Variants in FNTB observed in about 807,000 individuals in gnomAD.
FNTB encodes the protein protein farnesyltransferase subunit beta.
A neutral mutation model predicts 59.4 loss-of-function variants in FNTB; 27 were observed. The observed-to-expected ratio is 0.45, with a 90% CI of 0.34 to 0.63. FNTB has a LOEUF of 0.63. Among genes scored for constraint, FNTB ranks in the 20% least tolerant of loss-of-function variants. The probability of loss-of-function intolerance (pLI) is 0.02; values close to 1 mark genes in which losing one functional copy is unlikely to be tolerated. For synonymous variants in FNTB, 230 were observed against 220.7 expected, an observed-to-expected ratio of 1.04 and a Z score of -0.37; for missense variants, 449 against 559.6, an observed-to-expected ratio of 0.80 and a Z score of 1.99.
chr14:65,044,254 G>C lies in FNTB; in HGVS notation c.823-57G>C. ...CAGATTGACTCCTGGAGATTCTGTC[G>C]GGCTGGATTTTGTCTCTTTTAGCCT... On this transcript the variant is annotated intron_variant, in intron 8 of 11. Coordinates refer to ENST00000246166, the MANE Select transcript of FNTB (RefSeq NM_002028.4). The surrounding 1 kb of genome is among the most constrained non-coding windows in gnomAD (Gnocchi z 5.5). 2 of 1,606,450 alleles carry C rather than the reference G, an allele frequency of 1.2e-6. No homozygotes were observed. The highest frequency in any genetic ancestry group is 2.3e-5 in the East Asian group (1 of 44,196).
rs1738052667 is a variant in FNTB, at chr14:65,032,337, G to A, written c.606-273G>A. 1 of 306,832 alleles carries A rather than the reference G, an allele frequency of 3.3e-6. No homozygotes were observed. Among genetic ancestry groups the A allele is most frequent in the South Asian group, 7.9e-5 (1 of 12,646 alleles). The allele number at this position is 306,832 out of a possible 1,614,324, so 19.0% of individuals were successfully genotyped here. Reference sequence around the variant, plus strand: ...TCCACTTTTGACATGAATTGATATGGCTGTTATTTCCTCTGATGTAGATTG... The same window carrying A: ...TCCACTTTTGACATGAATTGATATGACTGTTATTTCCTCTGATGTAGATTG... On this transcript the variant is annotated intron_variant, in intron 6 of 11. Coordinates refer to ENST00000246166, the MANE Select transcript of FNTB (RefSeq NM_002028.4). The surrounding 1 kb of genome is among the most constrained non-coding windows in gnomAD (Gnocchi z 5.0).
At chr14:65,025,914 A>G (rs1015306493) in intron 4 of FNTB, among the ~76,000 whole-genome samples, 1 of 152,238 alleles carries the variant, frequency 6.6e-6, no homozygotes. Flanking sequence ...AAAAAGAAGT[A>G]TGTGTTGTTT....
At chr14:65,042,026 A>G (rs1414110557) in intron 8 of FNTB, among the ~76,000 whole-genome samples, 1 of 152,192 alleles carries the variant, frequency 6.6e-6, no homozygotes, top group Non-Finnish European at 1.5e-5. Flanking sequence ...AGGTAGGGAT[A>G]ACAATCCTTA....
At position 65,022,563 on chromosome 14, in the gene FNTB, C is replaced by T. The variant is rs776384610; in HGVS notation, c.375-4890C>T. 1.5e-4 allele frequency among the ~76,000 whole-genome samples: 23 copies of T among 152,070 alleles called. No homozygotes were observed. In the Middle Eastern group the frequency reaches 0.01, roughly 67 times the overall value. On this transcript the variant is annotated intron_variant, in intron 4 of 11. Coordinates refer to ENST00000246166, the MANE Select transcript of FNTB (RefSeq NM_002028.4). ...TATTTTAAAAATAGAGATAAGGTCT[C>T]GCTGTATTGCCTAAGCTGGTCTCAA... is the stretch of plus-strand genomic sequence containing the variant.
intron 2 of FNTB, among the ~76,000 whole-genome samples, chr14:65,005,631 G>C (rs939080225): frequency 6.7e-6 from 1 of 149,734 alleles, no homozygotes; most frequent in Non-Finnish European, 1.5e-5. Context: ...GTCCTGTCCT[G>C]TCCGGTCCTG....
At chr14:64,987,170 C>A in intron 1 of FNTB, 73 bp downstream of exon 1, 1 of 1,570,126 alleles carries the variant, frequency 6.4e-7, no homozygotes. Context: ...GTAGGGCCGC[C>A]CGGGTGCGGA....
chr14:65,053,642 A>C (rs977374897), intron 10 of FNTB, among the ~76,000 whole-genome samples: 27 of 152,190 alleles, frequency 1.8e-4, no homozygotes, highest in Admixed American at 1.8e-3. Context: ...AAACAAAAAA[A>C]AACTGATCTA....
rs758063241 is a variant in FNTB at position 65,027,677 on chromosome 14, A to G, written c.522-21A>G. 5.6e-6 allele frequency: 9 copies of G among 1,613,964 alleles called. No individual in the cohort carries two copies. The highest frequency in any genetic ancestry group is 4.5e-5 in the East Asian group (2 of 44,886). On this transcript the variant is annotated intron_variant, in intron 5 of 11. Coordinates refer to ENST00000246166, the MANE Select transcript of FNTB (RefSeq NM_002028.4). The surrounding 1 kb of genome is among the most constrained non-coding windows in gnomAD (Gnocchi z 5.7). ...ACACGCACTGACTGTTGCCTCTCCTACCTCTTTCCCTGTTTCTCAGAGAGA... is the reference window on the plus strand; with the variant it reads ...ACACGCACTGACTGTTGCCTCTCCTGCCTCTTTCCCTGTTTCTCAGAGAGA...
intron 1 of FNTB, among the ~76,000 whole-genome samples, chr14:64,989,531 T>TAA (rs202226077): frequency 1.2e-4 from 17 of 145,094 alleles, no homozygotes; most frequent in African/African-American, 3.5e-4. Flanking sequence ...CTTTTCAAAT[T>TAA]AAAAAAAAAA....
intron 1 of FNTB, among the ~76,000 whole-genome samples, chr14:64,992,811 A>G (rs1479566865): frequency 6.6e-6 from 1 of 151,448 alleles, no homozygotes; most frequent in Admixed American, 6.6e-5. Flanking sequence ...GGTCACTGCA[A>G]CTTAACCACT....
At chr14:64,998,913 C>A (rs527375771) in intron 1 of FNTB, among the ~76,000 whole-genome samples, 1 of 152,068 alleles carries the variant, frequency 6.6e-6, no homozygotes, top group African/African-American at 2.4e-5. Flanking sequence ...ATGGAAACAG[C>A]CAAATTGTCC....
rs2062500379 is a variant in FNTB at position 65,047,091 on chromosome 14, A to G, written c.955+2648A>G. Reference sequence around the variant, plus strand: ...AAAAACAGGCAAAGGATCTGAAGAAAGAGGTCCCAGTGAAAGAACTGTCCT... The same window carrying G: ...AAAAACAGGCAAAGGATCTGAAGAAGGAGGTCCCAGTGAAAGAACTGTCCT... On this transcript the variant is annotated intron_variant, in intron 9 of 11. Transcript: ENST00000246166. The surrounding 1 kb of genome is among the most constrained non-coding windows in gnomAD (Gnocchi z 5.2). Among the ~76,000 whole-genome samples the G allele has an allele frequency of 6.6e-6, 1 of 152,248 alleles. No individual in the cohort carries two copies. The highest frequency in any genetic ancestry group is 1.5e-5 in the Non-Finnish European group (1 of 68,044).
chr14:65,022,942 A>G (rs1007351399), intron 4 of FNTB, among the ~76,000 whole-genome samples: 1 of 151,678 alleles, frequency 6.6e-6, no homozygotes, highest in South Asian at 2.1e-4. Flanking sequence ...TACCTGTTGC[A>G]TTTGTTTTAT....
At chr14:65,043,664 T>C (rs2062402037) in intron 8 of FNTB, among the ~76,000 whole-genome samples, 1 of 150,352 alleles carries the variant, frequency 6.7e-6, no homozygotes, top group South Asian at 2.1e-4. Context: ...CTACTAAAAA[T>C]ACAAAAAATT....
intron 4 of FNTB, among the ~76,000 whole-genome samples, chr14:65,019,870 T>C (rs2061853413): frequency 6.6e-6 from 1 of 152,264 alleles, no homozygotes; most frequent in Admixed American, 6.5e-5. Flanking sequence ...AGGACTTCTA[T>C]ATAAATAGAA....
chr14:65,003,351 G>A (rs943449245), intron 1 of FNTB: 6 of 152,136 alleles, frequency 3.9e-5, no homozygotes, highest in African/African-American at 7.2e-5. Flanking sequence ...ATGTATTTGA[G>A]AGTGGTGAGT....
rs1388366753 is a variant in FNTB at position 64,991,758 on chromosome 14, T to TA, written c.144+4667dup. Among the ~76,000 whole-genome samples the TA allele has an allele frequency of 5.9e-5, 9 of 151,986 alleles. No homozygotes were observed. The East Asian group carries it at 1.7e-3, about 29-fold the overall frequency. On this transcript the variant is annotated intron_variant, in intron 1 of 11. Coordinates refer to ENST00000246166, the MANE Select transcript of FNTB (RefSeq NM_002028.4). The surrounding 1 kb of genome is among the most constrained non-coding windows in gnomAD (Gnocchi z 4.4). ...GGAGAACGTGGAACTGGGTGGGCTG[T>TA]AAAAAATAGAGTTTGGGGCAGCCAT...
rs1022566421 is a variant in FNTB at position 65,027,266 on chromosome 14, A to G, written c.375-187A>G. The stretch of plus-strand genomic sequence containing the variant: ...GAAACTCAGAGGAGGGCAGACAGAA[A>G]TGATGATAGCTGGAGAGAGAATTAA... On this transcript the variant is annotated intron_variant, in intron 4 of 11. Transcript: ENST00000246166. This position sits in a 1 kb window ranked among gnomAD's most constrained non-coding sequence, Gnocchi z 5.7. 2 of 891,704 alleles carry G rather than the reference A, an allele frequency of 2.2e-6. No individual in the cohort carries two copies. The highest frequency in any genetic ancestry group is 1.7e-5 in the African/African-American group (1 of 59,566). The allele number at this position is 891,704 out of a possible 1,614,324, so 55.2% of individuals were successfully genotyped here. A position where few individuals can be genotyped will look rare whatever the true frequency, so the allele number is the denominator to read the frequency against.
chr14:65,005,197 A>AT, intron 2 of FNTB, among the ~76,000 whole-genome samples: 1 of 152,234 alleles, frequency 6.6e-6, no homozygotes, highest in East Asian at 1.9e-4. Flanking sequence ...GAGGTCAGGT[A>AT]TTTTGAAAAG....
Sources: gnomAD v4.1 joint callset for allele counts (sites outside exome capture counted in the v4.1 genomes callset) on GRCh38, gnomAD v4.1.1 for gene constraint, Gnocchi (gnomAD v3.1) non-coding constraint, MANE v1.5 for transcripts, NCBI Gene and HGNC (gene_info 2026-07-23, HGNC 2026-07-21) for gene names.